The following RAB5C variants were observed in gnomAD, a reference collection of about 807,000 sequenced individuals.
RAB5C encodes ras-related protein Rab-5C.
A neutral mutation model predicts 25.2 loss-of-function variants in RAB5C; 4 were observed. The ratio of observed to expected loss-of-function variants is 0.16; its 90% CI spans 0.08 to 0.36. RAB5C has a LOEUF of 0.36. RAB5C is among the 10% of genes least tolerant of loss of function. The pLI, the probability that RAB5C is intolerant of heterozygous loss-of-function variation, is 1.00. For synonymous variants in RAB5C, 100 were observed against 106.4 expected (o/e 0.94, Z 0.37); for missense variants, 199 against 283.8 (o/e 0.70, Z 2.15).
At chr17:42,149,693 A>C (rs1006975395) in intron 1 of RAB5C, among the ~76,000 whole-genome samples, 4 of 152,196 alleles carry the variant, frequency 2.6e-5, no homozygotes, top group African/African-American at 7.2e-5. Flanking sequence ...AAACGCTTAC[A>C]ACTAAGTAAA....
chr17:42,127,880 GCA>G (rs1411451549), intron 4 of RAB5C, among the ~76,000 whole-genome samples: 1 of 150,616 alleles, frequency 6.6e-6, no homozygotes, highest in Non-Finnish European at 1.5e-5. Context: ...AGGCTGGAGT[GCA>G]GTGTTGCAAT....
At chr17:42,126,363 T>A (rs543780149) in intron 5 of RAB5C, among the ~76,000 whole-genome samples, 10 of 152,120 alleles carry the variant, frequency 6.6e-5, no homozygotes, top group African/African-American at 2.4e-4. Flanking sequence ...CTGGGCGCAG[T>A]GGCTTACGCT....
intron 1 of RAB5C, among the ~76,000 whole-genome samples, chr17:42,146,788 C>T (rs745537301): frequency 3.3e-5 from 5 of 149,866 alleles, no homozygotes; most frequent in African/African-American, 4.9e-5. Flanking sequence ...AGGCGGATCA[C>T]GAGGTCAGGA....
At chr17:42,129,662 T>C (rs1385788717) in intron 2 of RAB5C, among the ~76,000 whole-genome samples, 1 of 152,154 alleles carries the variant, frequency 6.6e-6, no homozygotes, top group Non-Finnish European at 1.5e-5. Context: ...CTGACCCAAA[T>C]GCTGAGGAGG....
chr17:42,152,813 C>G (rs1309141043), intron 1 of RAB5C, among the ~76,000 whole-genome samples: 1 of 151,438 alleles, frequency 6.6e-6, no homozygotes. Context: ...AGAGTCAGAG[C>G]TGGGAGAGCA....
intron 1 of RAB5C, among the ~76,000 whole-genome samples, chr17:42,147,929 T>C (rs892405257): frequency 5.3e-5 from 8 of 152,094 alleles, no homozygotes; most frequent in African/African-American, 1.7e-4. Flanking sequence ...AAACCCCATC[T>C]CTAATAAAAA....
At chr17:42,148,107 A>C (rs978826372) in intron 1 of RAB5C, among the ~76,000 whole-genome samples, 12 of 150,472 alleles carry the variant, frequency 8.0e-5, no homozygotes, top group Non-Finnish European at 1.5e-4. Context: ...TCAAAAACAA[A>C]CAAAAAAAAA....
At chr17:42,151,923 C>T (rs1473384192) in intron 1 of RAB5C, among the ~76,000 whole-genome samples, 2 of 152,032 alleles carry the variant, frequency 1.3e-5, no homozygotes, top group Non-Finnish European at 2.9e-5. Flanking sequence ...GCCCTTGTGC[C>T]GTGGCGCACT....
In RAB5C at chr17:42,128,365, T is replaced by G; in HGVS notation, c.337A>C (p.Lys113Gln). Residue 113 changes from lysine to glutamine, a missense_variant, in exon 4 of 6, where the codon AAG becomes CAG. Lys to Gln is a moderately conservative substitution (Grantham distance 53). This residue lies in a region of RAB5C where 154 missense variants were observed against 199.6 expected (regional missense o/e 0.77). Coordinates refer to ENST00000346213, the MANE Select transcript of RAB5C (RefSeq NM_004583.4). Reference protein sequence around the residue: ...ITNTDTFARAKNWVKELQRQA... With the variant: ...ITNTDTFARAQNWVKELQRQA... ...CTCTGTAGCTCCTTCACCCAGTTCT[T>G]GGCCCGTGCAAATGTATCCTGAGGA... is the stretch of plus-strand genomic sequence containing the variant. The G allele has an allele frequency of 6.2e-7, 1 of 1,613,972 alleles. No individual in the cohort carries two copies. Among genetic ancestry groups the G allele is most frequent in the South Asian group, 1.1e-5 (1 of 91,050 alleles).
intron 1 of RAB5C, among the ~76,000 whole-genome samples, chr17:42,144,935 A>C: frequency 7.9e-5 from 1 of 12,620 alleles, no homozygotes; most frequent in African/African-American, 1.6e-3. Flanking sequence ...CAAAAAAAAA[A>C]AAAAAAAAAA....
At chr17:42,145,645 C>A (rs746497448) in intron 1 of RAB5C, among the ~76,000 whole-genome samples, 3 of 152,074 alleles carry the variant, frequency 2.0e-5, no homozygotes, top group Admixed American at 1.3e-4. Context: ...ATTAGCCAGG[C>A]GTGGTGGTGC....
rs73311653 is a variant in RAB5C at position 42,130,455 on chromosome 17, C to T, written c.48G>A (p.Gly16=). The change falls in exon 2 of 6, where the codon GGG becomes GGA. Residue 16 remains glycine, a synonymous_variant. Coordinates refer to ENST00000346213, the MANE Select transcript of RAB5C (RefSeq NM_004583.4). ...CCAGCTTAAATTGACAGATCTTGTT[C>T]CCAGCAGCTGGTCCATTGGGTCGTG... ...GAARPNGPAA[G]NKICQFKLVL... is the part of the protein sequence containing the mutation. The T allele has an allele frequency of 4.6e-3, 7,474 of 1,614,142 alleles. 125 individuals carry two copies. Among genetic ancestry groups the T allele is most frequent in the African/African-American group, 0.045 (3,362 of 75,016 alleles).
intron 1 of RAB5C, among the ~76,000 whole-genome samples, chr17:42,145,105 G>A (rs1008599164): frequency 2.6e-5 from 4 of 151,718 alleles, no homozygotes; most frequent in Non-Finnish European, 4.4e-5. Flanking sequence ...CCCGGGAGGC[G>A]GAGCTTGCAG....
At chr17:42,130,982 A>ACAAAG (rs1032176601) in intron 1 of RAB5C, among the ~76,000 whole-genome samples, 1 of 152,124 alleles carries the variant, frequency 6.6e-6, no homozygotes, top group Non-Finnish European at 1.5e-5. Context: ...ACAAAACAAA[A>ACAAAG]CAAAAGCTCA....
chr17:42,154,760 G>C (rs575859897), intron 1 of RAB5C, 133 bp downstream of exon 1: 1 of 152,366 alleles, frequency 6.6e-6, no homozygotes, highest in Non-Finnish European at 1.5e-5. Flanking sequence ...CGCCTGGGGA[G>C]CCCCTCAAGA....
chr17:42,151,298 G>T (rs1177073764), intron 1 of RAB5C, among the ~76,000 whole-genome samples: 1 of 152,110 alleles, frequency 6.6e-6, no homozygotes, highest in African/African-American at 2.4e-5. Flanking sequence ...TTAGCCGGAC[G>T]TGGTGGTGGG....
At chr17:42,149,928 G>C (rs990254320) in intron 1 of RAB5C, among the ~76,000 whole-genome samples, 8 of 146,678 alleles carry the variant, frequency 5.5e-5, no homozygotes, top group African/African-American at 2.1e-4. Context: ...GCCCAGGCTG[G>C]AGTGCAGTGG....
At chr17:42,140,421 G>A (rs1454359612) in intron 1 of RAB5C, among the ~76,000 whole-genome samples, 1 of 149,198 alleles carries the variant, frequency 6.7e-6, no homozygotes, top group Non-Finnish European at 1.5e-5. Context: ...AAAGTTCTCA[G>A]TGGGAGACCT....
At chr17:42,153,644 A>G (rs537769445) in intron 1 of RAB5C, among the ~76,000 whole-genome samples, 1 of 152,180 alleles carries the variant, frequency 6.6e-6, no homozygotes, top group Non-Finnish European at 1.5e-5. Flanking sequence ...CACTGTAGAT[A>G]GCAAGGGTCA....
Sources: allele counts gnomAD v4.1 joint callset (sites outside exome capture counted in the v4.1 genomes callset), GRCh38; gene constraint gnomAD v4.1.1; regional missense constraint gnomAD v4.1.1; transcripts MANE v1.5; gene names NCBI Gene and HGNC (gene_info 2026-07-23, HGNC 2026-07-21).